The following CFHR5 variants were observed in gnomAD, a reference collection of about 807,000 sequenced individuals.
CFHR5 encodes complement factor H related 5.
CFHR5 carries 73 observed loss-of-function variants against 62.9 expected under a neutral mutation model. The observed-to-expected ratio is 1.16, with a 90% CI of 0.96 to 1.41. CFHR5 has a LOEUF of 1.41. Among genes scored for constraint, CFHR5 ranks in the 40% most tolerant of loss-of-function variants. The probability of loss-of-function intolerance (pLI) is 0.00; values close to 1 mark genes in which losing one functional copy is unlikely to be tolerated. For missense variants in CFHR5, 779 were observed against 679.9 expected, an observed-to-expected ratio of 1.15 and a Z score of -1.62; for synonymous variants, 249 against 227.2, an observed-to-expected ratio of 1.10 and a Z score of -0.86.
rs1345690683 is a variant in CFHR5, at chr1:196,999,701, A to G, written c.1147+1397A>G. The stretch of plus-strand genomic sequence containing the variant: ...GGAAAAAGTATATATATATATATAT[A>G]TATATATATATATATATATATACAC... On this transcript the variant is annotated intron_variant, in intron 7 of 9. Transcript: ENST00000256785. 9.8e-4 allele frequency among the ~76,000 whole-genome samples: 50 copies of G among 51,042 alleles called. 1 individual carries two copies. Among genetic ancestry groups the G allele is most frequent in the East Asian group, 5.0e-3 (1 of 202 alleles). The allele number at this position is 51,042 out of a possible 152,430, so 33.5% of individuals were successfully genotyped here. A position where few individuals can be genotyped will look rare whatever the true frequency, so the allele number is the denominator to read the frequency against.
chr1:196,994,548 A>G (rs1653939112), intron 4 of CFHR5, among the ~76,000 whole-genome samples: 2 of 152,212 alleles, frequency 1.3e-5, no homozygotes. Context: ...TAAAAAATTT[A>G]TACTTTTTAG....
At chr1:196,987,919 A>G (rs1194329311) in intron 3 of CFHR5, among the ~76,000 whole-genome samples, 3 of 152,112 alleles carry the variant, frequency 2.0e-5, no homozygotes, top group East Asian at 1.9e-4. Context: ...GTTAGTGGTA[A>G]CTTGATGCGG....
At chr1:196,991,889 C>T (rs1201430315) in intron 3 of CFHR5, among the ~76,000 whole-genome samples, 1 of 152,202 alleles carries the variant, frequency 6.6e-6, no homozygotes, top group Non-Finnish European at 1.5e-5. Context: ...AGAGCTCAAA[C>T]ACCATGCTGG....
intron 6 of CFHR5, among the ~76,000 whole-genome samples, chr1:196,997,093 C>G (rs75282993): frequency 0.18 from 27,664 of 152,002 alleles, 2,924 homozygotes; most frequent in Middle Eastern, 0.34. Flanking sequence ...CCGCTGTTCT[C>G]CTCCTTACAG....
At chr1:197,004,083 T>G (rs1218320726) in intron 8 of CFHR5, among the ~76,000 whole-genome samples, 3 of 152,192 alleles carry the variant, frequency 2.0e-5, no homozygotes, top group Non-Finnish European at 4.4e-5. Flanking sequence ...GGGAGATCAG[T>G]CAGTACAATT....
In CFHR5 at chr1:196,977,637, T is replaced by A. The variant is rs1286672925; in HGVS notation, c.-28T>A. 3.2e-6 allele frequency: 5 copies of A among 1,575,492 alleles called. No homozygotes were observed. The highest frequency in any genetic ancestry group is 1.4e-5 in the African/African-American group (1 of 73,886). On this transcript the variant is annotated 5_prime_UTR_variant, in exon 1 of 10. It removes the in-frame stop codon of an upstream open reading frame in the 5' UTR. Coordinates refer to ENST00000256785, the MANE Select transcript of CFHR5 (RefSeq NM_030787.4). Reference sequence around the variant, plus strand: ...AACACCACCATCACTGGAGTATTTTTAGTTATATACGATTGAGACTACCAA... The same window carrying A: ...AACACCACCATCACTGGAGTATTTTAAGTTATATACGATTGAGACTACCAA...
In CFHR5 at chr1:196,982,909, T is replaced by C; in HGVS notation, c.83T>C (p.Ile28Thr). 3 of 1,614,084 alleles carry C rather than the reference T, an allele frequency of 1.9e-6. No individual in the cohort carries two copies. The highest frequency in any genetic ancestry group is 2.2e-5 in the East Asian group (1 of 44,860). The stretch of plus-strand genomic sequence containing the variant: ...GGAACACTTTGTGATTTTCCAAAAA[T>C]ACACCATGGATTTCTGTATGATGAA... Reference protein sequence around the residue: ...GEGTLCDFPKIHHGFLYDEED... With the variant: ...GEGTLCDFPKTHHGFLYDEED... The change falls in exon 2 of 10, where the codon ATA (isoleucine) becomes ACA (threonine). Residue 28 changes from isoleucine to threonine, a missense_variant. Coordinates refer to ENST00000256785, the MANE Select transcript of CFHR5 (RefSeq NM_030787.4).
intron 1 of CFHR5, 75 bp from the exon 2 acceptor site, chr1:196,982,810 T>C (rs191294249): frequency 1.5e-4 from 207 of 1,377,980 alleles, no homozygotes; most frequent in Non-Finnish European, 1.8e-4. Context: ...ATAAATGAGA[T>C]GACTAAAATA....
intron 3 of CFHR5, among the ~76,000 whole-genome samples, chr1:196,986,797 T>G (rs1653695510): frequency 6.6e-6 from 1 of 152,206 alleles, no homozygotes. Context: ...GTTCCAGGTC[T>G]TTGCTATTGT....
intron 2 of CFHR5, 132 bp from the exon 3 acceptor site, chr1:196,983,829 A>G (rs1252477749): frequency 6.5e-6 from 4 of 617,082 alleles, no homozygotes; most frequent in Non-Finnish European, 1.1e-5. Context: ...ATACGGTAGC[A>G]TGACCCAAAT....
At chr1:196,979,256 CTGTGTGTG>C (rs57862148) in intron 1 of CFHR5, among the ~76,000 whole-genome samples, 5,050 of 148,564 alleles carry the variant, frequency 0.034, 127 homozygotes, top group African/African-American at 0.067. Flanking sequence ...AGGTAATTGT[CTGTGTGTG>C]TGTGTGTGTG....
intron 1 of CFHR5, among the ~76,000 whole-genome samples, chr1:196,980,732 A>G (rs1354834684): frequency 6.6e-6 from 1 of 152,064 alleles, no homozygotes; most frequent in African/African-American, 2.4e-5. Flanking sequence ...AGGCTTGCCA[A>G]AGGACGATAA....
chr1:197,002,692 A>C (rs754006012), intron 8 of CFHR5, 28 bp downstream of exon 8: 1 of 1,573,172 alleles, frequency 6.4e-7, no homozygotes, highest in Non-Finnish European at 8.7e-7. Flanking sequence ...AAGTAATTTC[A>C]CTTAAAAAGA....
chr1:196,998,078 T>C, intron 6 of CFHR5, 50 bp from the exon 7 acceptor site: 1 of 1,138,736 alleles, frequency 8.8e-7, no homozygotes, highest in Non-Finnish European at 1.3e-6. Flanking sequence ...ATATTGCAGA[T>C]ATTTTATTGA....
intron 3 of CFHR5, among the ~76,000 whole-genome samples, chr1:196,992,998 C>A (rs1653885189): frequency 6.6e-6 from 1 of 151,948 alleles, no homozygotes; most frequent in South Asian, 2.1e-4. Context: ...TTATTTTACA[C>A]AAGAATTAAT....
intron 8 of CFHR5, among the ~76,000 whole-genome samples, chr1:197,004,403 G>A (rs187099460): frequency 8.8e-4 from 134 of 152,122 alleles, no homozygotes; most frequent in South Asian, 1.2e-3. Flanking sequence ...TTAAGGGGTG[G>A]AGGAGGAACC....
upstream of CFHR5, among the ~76,000 whole-genome samples, chr1:196,975,845 A>G (rs1653384669): frequency 6.6e-6 from 1 of 152,138 alleles, no homozygotes; most frequent in Admixed American, 6.5e-5. Context: ...TTTGCAAAGG[A>G]TTGAGGTTTT....
At chr1:196,999,683 GTATATA>G (rs35191504) in intron 7 of CFHR5, among the ~76,000 whole-genome samples, 1,967 of 110,544 alleles carry the variant, frequency 0.018, 58 homozygotes, top group African/African-American at 0.05. Flanking sequence ...TTGGGAAAAA[GTATATA>G]TATATATATA....
chr1:196,993,200 A>G (rs1653894447), intron 3 of CFHR5, among the ~76,000 whole-genome samples: 1 of 152,142 alleles, frequency 6.6e-6, no homozygotes, highest in Admixed American at 6.5e-5. Flanking sequence ...AAAGTCTTTG[A>G]TATTTAGTTA....
Sources: gnomAD v4.1 joint callset for allele counts (sites outside exome capture counted in the v4.1 genomes callset) on GRCh38, gnomAD v4.1.1 for gene constraint, MANE v1.5 for transcripts, NCBI Gene and HGNC (gene_info 2026-07-23, HGNC 2026-07-21) for gene names.